The following MXD4 variants were observed in gnomAD, a reference collection of about 807,000 sequenced individuals.
MXD4 encodes the protein Mad4 homolog.
A neutral mutation model predicts 24.5 loss-of-function variants in MXD4; 16 were observed. That is an observed-to-expected ratio of 0.65 (90% CI 0.44 to 0.99). The LOEUF (loss-of-function observed/expected upper bound fraction) is 0.99. MXD4 is among the 50% of genes least tolerant of loss of function. The pLI is 0.00. For synonymous variants in MXD4, 164 were observed against 134.2 expected (o/e 1.22, Z -1.54); for missense variants, 301 against 301.5 (o/e 1.00, Z 0.01).
chr4:2,252,803 GC>G (rs1162156949), intron 3 of MXD4: 1 of 357,418 alleles, frequency 2.8e-6, no homozygotes, highest in South Asian at 3.2e-5. Flanking sequence ...GCCCCAGCTC[GC>G]CCCCCTGCCA....
intron 3 of MXD4, among the ~76,000 whole-genome samples, chr4:2,256,481 C>A (rs569675524): frequency 6.6e-6 from 1 of 152,202 alleles, no homozygotes; most frequent in Non-Finnish European, 1.5e-5. Flanking sequence ...CAAGACAGCA[C>A]GCAGCCCTTC....
Position 2,252,390 on chromosome 4 carries a change from A to C in MXD4, c.309+18T>G. 1 of 1,595,258 alleles carries C rather than the reference A, an allele frequency of 6.3e-7. No homozygotes were observed. The highest frequency in any genetic ancestry group is 8.6e-7 in the Non-Finnish European group (1 of 1,165,100). ...GAGGCAGCCAGACAGGGCAGGGTGG[A>C]GAGCAAGGCCCACTCACCTTGATGT... is the stretch of plus-strand genomic sequence containing the variant. On this transcript the variant is annotated intron_variant, in intron 4 of 5. Coordinates refer to ENST00000337190, the MANE Select transcript of MXD4 (RefSeq NM_006454.3).
At chr4:2,259,493 G>A (rs375968608) in intron 2 of MXD4, among the ~76,000 whole-genome samples, 4 of 152,250 alleles carry the variant, frequency 2.6e-5, no homozygotes, top group African/African-American at 7.2e-5. Flanking sequence ...GGAATGAGCC[G>A]TACTCTCTGT....
At chr4:2,258,395 G>A (rs558960167) in intron 2 of MXD4, among the ~76,000 whole-genome samples, 17 of 152,214 alleles carry the variant, frequency 1.1e-4, no homozygotes, top group South Asian at 8.3e-4. Flanking sequence ...AGCAAGGCCC[G>A]TGGTGAATCT....
chr4:2,256,464 C>G (rs1009660590), intron 3 of MXD4, among the ~76,000 whole-genome samples: 1 of 152,206 alleles, frequency 6.6e-6, no homozygotes. Context: ...GGGCTTCCTT[C>G]CTTTCTCAAG....
At position 2,250,370 on chromosome 4, in the gene MXD4, G is replaced by T. The variant is rs1735292012; in HGVS notation, c.*174C>A. 4 of 884,216 alleles carry T rather than the reference G, an allele frequency of 4.5e-6. No individual in the cohort carries two copies. The East Asian group carries it at 1.1e-4, about 24-fold the overall frequency. 54.8% of individuals were successfully genotyped at this position (884,216 alleles called of 1,614,324 possible). ...TCTGCCCAGCTGGAAGGGGCAGGCA[G>T]CTCGGCAGGCCCTGACCGGCAAGCG... On this transcript the variant is annotated 3_prime_UTR_variant, in exon 6 of 6. Transcript: ENST00000337190.
intron 3 of MXD4, among the ~76,000 whole-genome samples, chr4:2,257,264 C>A (rs547811542): frequency 2.6e-5 from 4 of 152,188 alleles, no homozygotes; most frequent in African/African-American, 4.8e-5. Flanking sequence ...GAGGACAGAG[C>A]TGACCCATTT....
At chr4:2,252,710 C>T (rs1735350146) in intron 3 of MXD4, 188 bp from the exon 4 acceptor site, 1 of 555,000 alleles carries the variant, frequency 1.8e-6, no homozygotes, top group Non-Finnish European at 3.2e-6. Flanking sequence ...CCAACACCCA[C>T]AGCCCCCAGA....
At chr4:2,257,867 C>T in intron 3 of MXD4, 115 bp downstream of exon 3, 1 of 1,369,664 alleles carries the variant, frequency 7.3e-7, no homozygotes, top group East Asian at 2.3e-5. Flanking sequence ...AAGGACACAG[C>T]CTGGCAGCAC....
At position 2,262,079 on chromosome 4, in the gene MXD4, G is replaced by A. The variant is rs1419902107; in HGVS notation, c.-99C>T. 7.1e-5 allele frequency: 43 copies of A among 608,990 alleles called. No homozygotes were observed. The highest frequency in any genetic ancestry group is 1.4e-4 in the East Asian group (1 of 7,048). 37.7% of individuals were successfully genotyped at this position (608,990 alleles called of 1,614,324 possible). On this transcript the variant is annotated 5_prime_UTR_variant, in exon 1 of 6. Transcript: ENST00000337190. The stretch of plus-strand genomic sequence containing the variant: ...CGCCCACCCCGCGCGCCCGGCCGCC[G>A]CACTTCCAGACTCCGCGGACTCCGG...
chr4:2,258,921 A>G (rs1735483973), intron 2 of MXD4: 1 of 455,964 alleles, frequency 2.2e-6, no homozygotes. Flanking sequence ...CACAATTCCC[A>G]GCACCACAGG....
In MXD4 at chr4:2,261,826, T is replaced by C; in HGVS notation, c.65-2A>G. On this transcript the variant is annotated splice_acceptor_variant, in intron 1 of 5. Transcript: ENST00000337190. LOFTEE classifies it high-confidence loss of function. ...CCGAGGCGTAGCCGTGCTCGGCCTCTGCGGACACACGGCGCGGTCAGCGGC... is the reference window on the plus strand; with the variant it reads ...CCGAGGCGTAGCCGTGCTCGGCCTCCGCGGACACACGGCGCGGTCAGCGGC... 7.3e-7 allele frequency: 1 copy of C among 1,373,164 alleles called. No individual in the cohort carries two copies. The highest frequency in any genetic ancestry group is 9.4e-7 in the Non-Finnish European group (1 of 1,059,704). 85.1% of individuals were successfully genotyped at this position (1,373,164 alleles called of 1,614,324 possible).
At chr4:2,251,828 G>A (rs1735329622) in intron 4 of MXD4, among the ~76,000 whole-genome samples, 1 of 152,206 alleles carries the variant, frequency 6.6e-6, no homozygotes, top group Non-Finnish European at 1.5e-5. Flanking sequence ...GCAGGCAGAA[G>A]AGGCCCTCAG....
Position 2,250,709 on chromosome 4 carries a change from G to T in MXD4, c.473-8C>A. The T allele has an allele frequency of 6.2e-7, 1 of 1,611,426 alleles. No homozygotes were observed. On this transcript the variant is annotated splice_region_variant and splice_polypyrimidine_tract_variant and intron_variant, in intron 5 of 5. Transcript: ENST00000337190. Reference sequence around the variant, plus strand: ...TGCCCTCTATGTCCACTTCTAGGGAGAATAGAGTGGGGATGGGGTCAGGCC... The same window carrying T: ...TGCCCTCTATGTCCACTTCTAGGGATAATAGAGTGGGGATGGGGTCAGGCC...
intron 2 of MXD4, among the ~76,000 whole-genome samples, chr4:2,259,762 G>C (rs1735501171): frequency 6.6e-6 from 1 of 152,126 alleles, no homozygotes; most frequent in African/African-American, 2.4e-5. Context: ...TCCCTCAGGA[G>C]AGGTGGGACC....
At position 2,252,391 on chromosome 4, in the gene MXD4, G is replaced by A. The variant is rs912667334; in HGVS notation, c.309+17C>T. The A allele has an allele frequency of 1.4e-5, 23 of 1,597,288 alleles. No homozygotes were observed. In the East Asian group the frequency reaches 3.3e-4, roughly 23 times the overall value. On this transcript the variant is annotated intron_variant, in intron 4 of 5. Transcript: ENST00000337190. ...AGGCAGCCAGACAGGGCAGGGTGGA[G>A]AGCAAGGCCCACTCACCTTGATGTG...
At chr4:2,259,766 T>C (rs1735501259) in intron 2 of MXD4, among the ~76,000 whole-genome samples, 1 of 152,034 alleles carries the variant, frequency 6.6e-6, no homozygotes, top group African/African-American at 2.4e-5. Context: ...TCAGGAGAGG[T>C]GGGACCTGTC....
chr4:2,255,762 C>T (rs1458141919), intron 3 of MXD4, among the ~76,000 whole-genome samples: 1 of 152,194 alleles, frequency 6.6e-6, no homozygotes, highest in Non-Finnish European at 1.5e-5. Flanking sequence ...GGGCTGGTAT[C>T]GACAGCAGCC....
intron 2 of MXD4, among the ~76,000 whole-genome samples, chr4:2,261,507 G>A (rs1560115943): frequency 6.6e-6 from 1 of 150,816 alleles, no homozygotes; most frequent in Admixed American, 6.6e-5. Context: ...CGAGCGGCCC[G>A]GGAGGCGCGG....
Sources: allele counts gnomAD v4.1 joint callset (sites outside exome capture counted in the v4.1 genomes callset), GRCh38; gene constraint gnomAD v4.1.1; transcripts MANE v1.5; gene names NCBI Gene and HGNC (gene_info 2026-07-23, HGNC 2026-07-21).